Variants in ZDHHC20 observed in about 807,000 individuals in gnomAD.
The protein encoded by ZDHHC20 is zDHHC palmitoyltransferase 20, also known as palmitoyltransferase ZDHHC20.
A neutral mutation model predicts 57.8 loss-of-function variants in ZDHHC20; 43 were observed. The ratio of observed to expected loss-of-function variants is 0.74; its 90% CI spans 0.58 to 0.96. ZDHHC20 has a LOEUF of 0.96. Among genes scored for constraint, ZDHHC20 ranks in the 40% least tolerant of loss-of-function variants. ZDHHC20 has a pLI of 0.00. For missense variants in ZDHHC20, 391 were observed against 441.1 expected (o/e 0.89, Z 1.02); for synonymous variants, 157 against 153.0 (o/e 1.03, Z -0.19).
Position 21,381,516 on chromosome 13 carries a change from T to C in ZDHHC20, c.978A>G (p.Pro326=), listed in dbSNP as rs977695389. 2.9e-5 allele frequency: 46 copies of C among 1,613,670 alleles called. No individual in the cohort carries two copies. The highest frequency in any genetic ancestry group is 1.6e-4 in the Middle Eastern group (1 of 6,084). ...ACAAGCGGTTTTTTGATTCACTAAG[T>C]GGTTTGATAGGAAAAGGTTGATTTG... ...SGSNQPFPIK[P]LSESKNRLLD... The change falls in exon 11 of 13, where the codon CCA becomes CCG. Residue 326 remains proline, a synonymous_variant. Transcript: ENST00000400590.
At position 21,378,751 on chromosome 13, in the gene ZDHHC20, A is replaced by T; in HGVS notation, c.1061-13T>A. 3 of 1,347,310 alleles carry T rather than the reference A, an allele frequency of 2.2e-6. No homozygotes were observed. Among genetic ancestry groups the T allele is most frequent in the Non-Finnish European group, 3.0e-6 (3 of 1,015,796 alleles). The allele number at this position is 1,347,310 out of a possible 1,614,324, so 83.5% of individuals were successfully genotyped here. A position where few individuals can be genotyped will look rare whatever the true frequency, so the allele number is the denominator to read the frequency against. ...TGGTTATTTGTCCCTGTAAGCATAT[A>T]ATTATATATGACATGACAAAAAAAA... On this transcript the variant is annotated splice_polypyrimidine_tract_variant and intron_variant, in intron 11 of 12. Coordinates refer to ENST00000400590, the MANE Select transcript of ZDHHC20 (RefSeq NM_001330059.2).
chr13:21,457,411 A>C (rs531327377), intron 1 of ZDHHC20, among the ~76,000 whole-genome samples: 38 of 152,336 alleles, frequency 2.5e-4, no homozygotes, highest in Admixed American at 2.5e-3. Flanking sequence ...TATCATCATA[A>C]GTTGATGAGA....
chr13:21,375,087 TC>T lies in ZDHHC20; in HGVS notation c.*1608del, dbSNP rs1191079844. The T allele has an allele frequency of 2.2e-6, 1 of 454,676 alleles. No individual in the cohort carries two copies. Among genetic ancestry groups the T allele is most frequent in the East Asian group, 7.0e-5 (1 of 14,366 alleles). 28.2% of individuals were successfully genotyped at this position (454,676 alleles called of 1,614,324 possible). On this transcript the variant is annotated 3_prime_UTR_variant, in exon 13 of 13. Transcript: ENST00000400590. ...AGGCAGAGGTTGCAGCGAGCCAAGA[TC>T]CCGCCACTGCACTCCTGCCTGGGAG... is the stretch of plus-strand genomic sequence containing the variant.
At position 21,386,330 on chromosome 13, in the gene ZDHHC20, T is replaced by C. The variant is rs1245966120; in HGVS notation, c.854+1178A>G. Among the ~76,000 whole-genome samples the C allele has an allele frequency of 2.0e-5, 3 of 152,190 alleles. No individual in the cohort carries two copies. The East Asian group carries it at 5.8e-4, about 29-fold the overall frequency. Reference sequence around the variant, plus strand: ...GGTTAACAATATTTTCCAAATTTGATTAAAGCTCTAAAACCAGAGATCCAA... The same window carrying C: ...GGTTAACAATATTTTCCAAATTTGACTAAAGCTCTAAAACCAGAGATCCAA... On this transcript the variant is annotated intron_variant, in intron 9 of 12. Transcript: ENST00000400590.
At chr13:21,382,546 G>A (rs1873613204) in intron 10 of ZDHHC20, among the ~76,000 whole-genome samples, 1 of 152,000 alleles carries the variant, frequency 6.6e-6, no homozygotes. Context: ...AAATAAAATG[G>A]TGATTAGTAT....
intron 1 of ZDHHC20, among the ~76,000 whole-genome samples, chr13:21,446,408 C>T (rs1279222632): frequency 6.6e-6 from 1 of 152,136 alleles, no homozygotes; most frequent in East Asian, 1.9e-4. Context: ...GTTTTAAAAG[C>T]TTCCCAGAAG....
In ZDHHC20 at chr13:21,378,702, C is replaced by G; in HGVS notation, c.1097G>C (p.Ter366SerextTer7). 6.9e-7 allele frequency: 1 copy of G among 1,454,264 alleles called. No homozygotes were observed. Among genetic ancestry groups the G allele is most frequent in the Non-Finnish European group, 9.1e-7 (1 of 1,094,962 alleles). The allele number at this position is 1,454,264 out of a possible 1,614,324, so 90.1% of individuals were successfully genotyped here. A position where few individuals can be genotyped will look rare whatever the true frequency, so the allele number is the denominator to read the frequency against. Residue 366 changes from the stop codon to serine (S), a stop_lost, in exon 12 of 13, where the codon TGA becomes TCA. Coordinates refer to ENST00000400590, the MANE Select transcript of ZDHHC20 (RefSeq NM_001330059.2). ...TGGTTAGTTATGAACAAGTGGTACT[C>G]AATTTTCTATTGCCACTGTTACATG... ...NNHVTVAIEN* is the reference protein window; with the variant it reads ...NNHVTVAIENS
At chr13:21,457,319 G>A (rs1482014436) in intron 1 of ZDHHC20, among the ~76,000 whole-genome samples, 1 of 152,082 alleles carries the variant, frequency 6.6e-6, no homozygotes, top group South Asian at 2.1e-4. Context: ...AAATACGGTA[G>A]GAATAATCTT....
Position 21,376,469 on chromosome 13 carries a change from A to G in ZDHHC20, c.*227T>C, listed in dbSNP as rs1872091289. On this transcript the variant is annotated 3_prime_UTR_variant, in exon 13 of 13. Transcript: ENST00000400590. ...TTTTGTAGCTCTAAGTCAATGCTGCACAAATGGACACTTAAGATTAAGGCA... is the reference window on the plus strand; with the variant it reads ...TTTTGTAGCTCTAAGTCAATGCTGCGCAAATGGACACTTAAGATTAAGGCA... 1 of 379,408 alleles carries G rather than the reference A, an allele frequency of 2.6e-6. No homozygotes were observed. 23.5% of individuals were successfully genotyped at this position (379,408 alleles called of 1,614,324 possible). A position where few individuals can be genotyped will look rare whatever the true frequency, so the allele number is the denominator to read the frequency against.
At chr13:21,455,472 GA>G (rs566122739) in intron 1 of ZDHHC20, among the ~76,000 whole-genome samples, 8 of 151,588 alleles carry the variant, frequency 5.3e-5, no homozygotes, top group Admixed American at 5.3e-4. Context: ...CAACCCTGGG[GA>G]AAAAAAATCA....
chr13:21,395,067 TTC>T (rs1366547237), intron 7 of ZDHHC20, among the ~76,000 whole-genome samples: 1 of 65,210 alleles, frequency 1.5e-5, no homozygotes, highest in East Asian at 6.0e-4. Flanking sequence ...TTTAAATTCT[TTC>T]TTTTTTTTTT....
At chr13:21,413,398 T>C (rs142055181) in intron 4 of ZDHHC20, among the ~76,000 whole-genome samples, 117 of 152,020 alleles carry the variant, frequency 7.7e-4, no homozygotes, top group Non-Finnish European at 1.1e-3. Context: ...GAAAGTTGAG[T>C]TGGGGGAAAA....
intron 2 of ZDHHC20, among the ~76,000 whole-genome samples, chr13:21,422,261 TG>T (rs951609248): frequency 6.0e-5 from 9 of 149,112 alleles, no homozygotes. Flanking sequence ...TGGTCTGCGC[TG>T]AAAAAAAAAA....
rs112898895 is a variant in ZDHHC20 at position 21,394,402 on chromosome 13, G to A, written c.595-2548C>T. On this transcript the variant is annotated intron_variant, in intron 7 of 12. Coordinates refer to ENST00000400590, the MANE Select transcript of ZDHHC20 (RefSeq NM_001330059.2). ...TTGCCACCTGCCCTATCATGCCACC[G>A]CCCAATACTTAAATCTCTTACCCTG... Among the ~76,000 whole-genome samples, 1,223 of 152,012 alleles carry A rather than the reference G, an allele frequency of 8.0e-3. 19 individuals carry two copies. Among genetic ancestry groups the A allele is most frequent in the African/African-American group, 0.028 (1,165 of 41,464 alleles).
chr13:21,420,071 G>A (rs1348923577), intron 3 of ZDHHC20, among the ~76,000 whole-genome samples: 1 of 152,140 alleles, frequency 6.6e-6, no homozygotes, highest in Non-Finnish European at 1.5e-5. Context: ...TGGATCACCC[G>A]AGGCCAGGAG....
intron 7 of ZDHHC20, among the ~76,000 whole-genome samples, chr13:21,395,493 TTTC>T (rs1172626840): frequency 1.5e-5 from 2 of 136,584 alleles, no homozygotes; most frequent in South Asian, 2.3e-4. Flanking sequence ...CTTCTTTTCT[TTTC>T]TTTTTTTTTT....
chr13:21,389,600 G>C (rs1490750134), intron 8 of ZDHHC20, among the ~76,000 whole-genome samples: 2 of 152,154 alleles, frequency 1.3e-5, no homozygotes, highest in African/African-American at 4.8e-5. Flanking sequence ...GATTGTTCAA[G>C]AGAATAGCAG....
intron 9 of ZDHHC20, among the ~76,000 whole-genome samples, chr13:21,383,806 C>T (rs1169821225): frequency 1.3e-5 from 2 of 151,914 alleles, no homozygotes; most frequent in African/African-American, 4.8e-5. Context: ...AAATAGTGAA[C>T]AAAAGAGAAG....
chr13:21,420,691 T>C (rs1880546335), intron 3 of ZDHHC20, among the ~76,000 whole-genome samples: 1 of 152,258 alleles, frequency 6.6e-6, no homozygotes, highest in Non-Finnish European at 1.5e-5. Context: ...TTTCTTTAAT[T>C]GCAGCATATC....
Sources: gnomAD v4.1 joint callset for allele counts (sites outside exome capture counted in the v4.1 genomes callset) on GRCh38, gnomAD v4.1.1 for gene constraint, MANE v1.5 for transcripts, NCBI Gene and HGNC (gene_info 2026-07-23, HGNC 2026-07-21) for gene names.